The following PTPRB variants were observed in gnomAD, a reference collection of about 807,000 sequenced individuals.
PTPRB encodes protein tyrosine phosphatase receptor type B.
PTPRB carries 97 observed loss-of-function variants against 238.1 expected under a neutral mutation model. That is an observed-to-expected ratio of 0.41 (90% CI 0.35 to 0.48). PTPRB has a LOEUF of 0.48. Ranked by LOEUF, PTPRB falls within the 20% of genes least tolerant of loss-of-function variation. PTPRB has a pLI of 0.30. For synonymous variants in PTPRB, 970 were observed against 995.4 expected (o/e 0.97, Z 0.48); for missense variants, 2,292 against 2,681.9 (o/e 0.85, Z 3.21).
chr12:70,559,454 G>C lies in PTPRB; in HGVS notation c.4603C>G (p.Arg1535Gly). ...CCTGGACGAAGACCATACACAATGC[G>C]TCCTTCTGATTTTCTGTTGTTGTAG... is the stretch of plus-strand genomic sequence containing the variant. ...NPYNNRKSEG[R>G]IVYGLRPGRS... The change falls in exon 18 of 34, where the codon CGC becomes GGC. Residue 1535 changes from arginine to glycine, a missense_variant. By Grantham distance (125) the Arg-to-Gly change is moderately radical. Transcript: ENST00000334414. The C allele has an allele frequency of 6.2e-7, 1 of 1,613,922 alleles. No homozygotes were observed. The highest frequency in any genetic ancestry group is 8.5e-7 in the Non-Finnish European group (1 of 1,179,854).
intron 2 of PTPRB, among the ~76,000 whole-genome samples, chr12:70,629,954 T>C (rs970642102): frequency 2.0e-4 from 30 of 152,236 alleles, no homozygotes; most frequent in African/African-American, 7.0e-4. Flanking sequence ...CAATAATTAA[T>C]AGCCTACCAA....
chr12:70,598,252 GATA>G (rs1883197404), intron 4 of PTPRB, among the ~76,000 whole-genome samples: 2 of 152,184 alleles, frequency 1.3e-5, no homozygotes, highest in South Asian at 2.1e-4. Flanking sequence ...ATGCAATCCT[GATA>G]ATAATATCTT....
Position 70,520,396 on chromosome 12 carries a change from T to A in PTPRB, c.*1093A>T, listed in dbSNP as rs904121440. 1 of 233,974 alleles carries A rather than the reference T, an allele frequency of 4.3e-6. No individual in the cohort carries two copies. The highest frequency in any genetic ancestry group is 2.3e-5 in the African/African-American group (1 of 42,814). 14.5% of individuals were successfully genotyped at this position (233,974 alleles called of 1,614,324 possible). A position where few individuals can be genotyped will look rare whatever the true frequency, so the allele number is the denominator to read the frequency against. ...TTTACTAAAAGAAGTTTTGAAAATTTTACTGAAGACCACTGTTTTTGTTTT... is the reference window on the plus strand; with the variant it reads ...TTTACTAAAAGAAGTTTTGAAAATTATACTGAAGACCACTGTTTTTGTTTT... On this transcript the variant is annotated 3_prime_UTR_variant, in exon 34 of 34. Coordinates refer to ENST00000334414, the MANE Select transcript of PTPRB (RefSeq NM_001109754.4).
At chr12:70,611,580 G>A (rs142373403) in intron 3 of PTPRB, among the ~76,000 whole-genome samples, 3 of 152,158 alleles carry the variant, frequency 2.0e-5, no homozygotes, top group East Asian at 1.9e-4. Context: ...GATTACAGGC[G>A]TGTGCCACCG....
chr12:70,622,880 A>G (rs1885007948), intron 2 of PTPRB, among the ~76,000 whole-genome samples: 1 of 151,908 alleles, frequency 6.6e-6, no homozygotes, highest in Non-Finnish European at 1.5e-5. Context: ...AAAGTTGTAG[A>G]AACTGTGCTA....
chr12:70,590,094 G>A lies in PTPRB; in HGVS notation c.1920C>T (p.Ile640=). 1 of 1,613,942 alleles carries A rather than the reference G, an allele frequency of 6.2e-7. No homozygotes were observed. Among genetic ancestry groups the A allele is most frequent in the South Asian group, 1.1e-5 (1 of 91,074 alleles). The stretch of plus-strand genomic sequence containing the variant: ...ACTGTGTTTCTTCCTTTCCCACAGT[G>A]ATGTTGAGCAGCACCACAGAATCAT... ...LFNDSVVLLN[I]TVGKEETQYV... The change falls in exon 8 of 34, where the codon ATC becomes ATT. Residue 640 remains isoleucine, a synonymous_variant. Coordinates refer to ENST00000334414, the MANE Select transcript of PTPRB (RefSeq NM_001109754.4).
At chr12:70,590,590 C>CTTTTT (rs34092195) in intron 7 of PTPRB, among the ~76,000 whole-genome samples, 73 of 105,858 alleles carry the variant, frequency 6.9e-4, no homozygotes, top group Non-Finnish European at 1.1e-3. Context: ...AGATTAAGTT[C>CTTTTT]TTTTTTTTTT....
intron 22 of PTPRB, 132 bp downstream of exon 22, chr12:70,544,425 T>C: frequency 1.5e-6 from 1 of 649,818 alleles, no homozygotes; most frequent in Non-Finnish European, 2.7e-6. Flanking sequence ...TCCACATCAA[T>C]TTTTGGTCAC....
chr12:70,523,075 C>T (rs941475436), intron 33 of PTPRB, among the ~76,000 whole-genome samples: 1 of 151,810 alleles, frequency 6.6e-6, no homozygotes, highest in Non-Finnish European at 1.5e-5. Context: ...GTTGGCCAGG[C>T]TGGTCTTGAG....
At chr12:70,632,154 A>C (rs1386023882) in intron 2 of PTPRB, among the ~76,000 whole-genome samples, 1 of 152,192 alleles carries the variant, frequency 6.6e-6, no homozygotes, top group Non-Finnish European at 1.5e-5. Flanking sequence ...CACTATTCAC[A>C]ATAGCAAAGA....
chr12:70,552,278 G>A (rs1373740620), intron 21 of PTPRB, among the ~76,000 whole-genome samples: 1 of 152,114 alleles, frequency 6.6e-6, no homozygotes, highest in African/African-American at 2.4e-5. Flanking sequence ...GAGGCCAGGA[G>A]TTGGAGACCA....
chr12:70,634,610 C>G (rs1166444144), intron 2 of PTPRB, among the ~76,000 whole-genome samples: 4 of 152,112 alleles, frequency 2.6e-5, no homozygotes, highest in Non-Finnish European at 5.9e-5. Context: ...TTAGTAAGCC[C>G]TCCCTTTTCT....
In PTPRB at chr12:70,581,148, C is replaced by CTCACTGGAGATGCTT. The variant is rs1881347447; in HGVS notation, c.2451_2465dup (p.Ser818_Glu822dup). ...GAGAGTGGAAGCTGTATCTGCTGGT[C>CTCACTGGAGATGCTT]TCACTGGAGATGCTTTCATTTTTAA... On this transcript the variant is annotated inframe_insertion, in exon 10 of 34. Transcript: ENST00000334414. 1.2e-6 allele frequency: 2 copies of CTCACTGGAGATGCTT among 1,614,004 alleles called. No individual in the cohort carries two copies. The highest frequency in any genetic ancestry group is 1.7e-6 in the Non-Finnish European group (2 of 1,179,892).
At chr12:70,544,792 C>T (rs544305452) in intron 21 of PTPRB, 129 bp from the exon 22 acceptor site, 12 of 553,706 alleles carry the variant, frequency 2.2e-5, no homozygotes, top group Non-Finnish European at 3.1e-5. Context: ...GTTATGGAAT[C>T]GGATAGACCT....
rs183675558 is a variant in PTPRB, at chr12:70,605,279, T to C, written c.979+3790A>G. ...ATGAGAATAGAATATATTTTTAGTA[T>C]ATGTACATTCTCTCACTAAAATATT... On this transcript the variant is annotated intron_variant, in intron 4 of 33. Transcript: ENST00000334414. 4.5e-4 allele frequency among the ~76,000 whole-genome samples: 68 copies of C among 152,336 alleles called. 1 individual carries two copies. In the East Asian group the frequency reaches 0.012, roughly 26 times the overall value.
At chr12:70,634,802 C>T (rs371765005) in intron 2 of PTPRB, among the ~76,000 whole-genome samples, 68 of 152,156 alleles carry the variant, frequency 4.5e-4, no homozygotes, top group African/African-American at 1.0e-3. Flanking sequence ...CTTAGTGAGG[C>T]GCTTCGTTTC....
Position 70,560,975 on chromosome 12 carries a change from A to C in PTPRB, c.4169-41T>G. On this transcript the variant is annotated intron_variant, in intron 16 of 33. Coordinates refer to ENST00000334414, the MANE Select transcript of PTPRB (RefSeq NM_001109754.4). The surrounding 1 kb of genome is among the most constrained non-coding windows in gnomAD (Gnocchi z 4.2). ...AATTGTTACTGAGAACAAAACAGAA[A>C]CACAGGCATTTTGGCCCACAGGTGA... The C allele has an allele frequency of 6.3e-7, 1 of 1,580,712 alleles. No individual in the cohort carries two copies. The highest frequency in any genetic ancestry group is 8.7e-7 in the Non-Finnish European group (1 of 1,152,444).
At chr12:70,607,391 AT>A (rs1884034278) in intron 4 of PTPRB, among the ~76,000 whole-genome samples, 1 of 152,232 alleles carries the variant, frequency 6.6e-6, no homozygotes, top group African/African-American at 2.4e-5. Flanking sequence ...AGTATTAGCA[AT>A]ATGAGTATTT....
intron 18 of PTPRB, among the ~76,000 whole-genome samples, chr12:70,557,635 T>C (rs1466987143): frequency 1.3e-5 from 2 of 152,194 alleles, no homozygotes; most frequent in Non-Finnish European, 2.9e-5. Flanking sequence ...GGAAAGGCAG[T>C]CTCATGTGCA....
Sources: allele counts gnomAD v4.1 joint callset (sites outside exome capture counted in the v4.1 genomes callset), GRCh38; gene constraint gnomAD v4.1.1; non-coding constraint Gnocchi (gnomAD v3.1); transcripts MANE v1.5; gene names NCBI Gene and HGNC (gene_info 2026-07-23, HGNC 2026-07-21).